NFILZ: variants seen among roughly 807,000 people sequenced by gnomAD.
The protein encoded by NFILZ is NFIL3 like basic leucine zipper.
intron 3 of NFILZ, among the ~76,000 whole-genome samples, chr19:8,655,460 G>T (rs1242093038): frequency 6.6e-6 from 1 of 152,176 alleles, no homozygotes; most frequent in East Asian, 1.9e-4. Flanking sequence ...CCTGCTCCCT[G>T]GGCAGACACC....
chr19:8,632,965 C>T (rs138195270), intron 2 of NFILZ, among the ~76,000 whole-genome samples: 3,338 of 151,196 alleles, frequency 0.022, 122 homozygotes, highest in African/African-American at 0.077. Flanking sequence ...TCAGGTGATC[C>T]GCCTGCCTCA....
intron 3 of NFILZ, among the ~76,000 whole-genome samples, chr19:8,666,710 C>T (rs2043063729): frequency 6.6e-6 from 1 of 151,732 alleles, no homozygotes; most frequent in Non-Finnish European, 1.5e-5. Flanking sequence ...AGAGGGTTGG[C>T]CATTTATCTT....
rs1280171158 is a variant in NFILZ, at chr19:8,638,553, A to G, written c.-164+2807A>G. On this transcript the variant is annotated intron_variant, in intron 3 of 5. Coordinates refer to ENST00000691075, the MANE Select transcript of NFILZ (RefSeq NM_001378600.1). ...GAACACCTCCTGCGTGCCAGGCTCC[A>G]TTCCAAGCACTGGGGGTTGCAGCGG... 1.3e-5 allele frequency: 2 copies of G among 152,254 alleles called. 1 individual carries two copies. The highest frequency in any genetic ancestry group is 4.1e-4 in the South Asian group (2 of 4,838). The allele number at this position is 152,254 out of a possible 1,614,324, so 9.4% of individuals were successfully genotyped here.
At chr19:8,650,566 A>G (rs2146146819) in intron 3 of NFILZ, among the ~76,000 whole-genome samples, 1 of 151,970 alleles carries the variant, frequency 6.6e-6, no homozygotes, top group South Asian at 2.1e-4. Context: ...AGGCAGGATA[A>G]TTGCTTGAAC....
rs1555750981 is a variant in NFILZ, at chr19:8,678,128, TCC to T, written c.*494_*495del. On this transcript the variant is annotated 3_prime_UTR_variant, in exon 6 of 6. Coordinates refer to ENST00000691075, the MANE Select transcript of NFILZ (RefSeq NM_001378600.1). ...ATCCATCCATCCATCCATCCATCCCTCCATCCATTCATCCACTTGTCCGTCCA... is the reference window on the plus strand; with the variant it reads ...ATCCATCCATCCATCCATCCATCCCTATCCATTCATCCACTTGTCCGTCCA... Among the ~76,000 whole-genome samples, 30 of 147,038 alleles carry T rather than the reference TCC, an allele frequency of 2.0e-4. 6 individuals are homozygous for T. The highest frequency in any genetic ancestry group is 2.0e-4 in the African/African-American group (8 of 39,490).
intron 3 of NFILZ, among the ~76,000 whole-genome samples, chr19:8,663,736 G>GTATGTGTA (rs782229587): frequency 7.3e-5 from 10 of 136,144 alleles, no homozygotes; most frequent in African/African-American, 2.2e-4. Flanking sequence ...GTGTGTGTGT[G>GTATGTGTA]TGTGTGTGTG....
chr19:8,673,413 C>G (rs1328142822), intron 3 of NFILZ, among the ~76,000 whole-genome samples: 1 of 152,156 alleles, frequency 6.6e-6, no homozygotes, highest in Non-Finnish European at 1.5e-5. Context: ...CAGGGCGTCC[C>G]GTCTGGCACC....
rs1327247581 is a variant in NFILZ, at chr19:8,632,582, A to C, written c.-304A>C. 2 of 152,180 alleles carry C rather than the reference A, an allele frequency of 1.3e-5. No individual in the cohort carries two copies. Among genetic ancestry groups the C allele is most frequent in the African/African-American group, 4.8e-5 (2 of 41,438 alleles). 9.4% of individuals were successfully genotyped at this position (152,180 alleles called of 1,614,324 possible). ...AGCCCCCTGACGGTTTACAGATGCC[A>C]TGGCAACATCAGGAAGTTACCCTCT... On this transcript the variant is annotated 5_prime_UTR_variant, in exon 2 of 6. An upstream start codon of the reference 5' UTR is lost. Transcript: ENST00000691075.
intron 2 of NFILZ, among the ~76,000 whole-genome samples, chr19:8,633,061 C>T (rs1331219806): frequency 7.0e-6 from 1 of 143,252 alleles, no homozygotes; most frequent in East Asian, 2.0e-4. Flanking sequence ...TGCTCTGTCA[C>T]TCAGGCTGGA....
rs2043136476 is a variant in NFILZ, at chr19:8,679,663, T to A, written c.*2028T>A. Among the ~76,000 whole-genome samples, 1 of 152,138 alleles carries A rather than the reference T, an allele frequency of 6.6e-6. No individual in the cohort carries two copies. The highest frequency in any genetic ancestry group is 2.4e-5 in the African/African-American group (1 of 41,440). ...CACAGGTAGGACCTCCTCTACTTGC[T>A]CAGCCTTTGGTTCTGGTCCAGGGCA... On this transcript the variant is annotated 3_prime_UTR_variant, in exon 6 of 6. Coordinates refer to ENST00000691075, the MANE Select transcript of NFILZ (RefSeq NM_001378600.1).
Position 8,663,754 on chromosome 19 carries a change from G to GTGTGTGTATGTGTGTGTA in NFILZ, c.-163-10790_-163-10789insATGTGTGTGTATGTGTGT, listed in dbSNP as rs1555674963. Among the ~76,000 whole-genome samples, 4 of 117,564 alleles carry GTGTGTGTATGTGTGTGTA rather than the reference G, an allele frequency of 3.4e-5. No individual in the cohort carries two copies. In the East Asian group the frequency reaches 6.7e-4, roughly 20 times the overall value. 77.1% of individuals were successfully genotyped at this position (117,564 alleles called of 152,430 possible). On this transcript the variant is annotated intron_variant, in intron 3 of 5. Transcript: ENST00000691075. Reference sequence around the variant, plus strand: ...TGTGTGTGTGTGTGTGTGTGTGTGTGTGTGTGTGTGTGTGTGTATGTATGT... The same window carrying GTGTGTGTATGTGTGTGTA: ...TGTGTGTGTGTGTGTGTGTGTGTGTGTGTGTGTATGTGTGTGTATGTGTGTGTGTGTGTGTATGTATGT...
Position 8,656,480 on chromosome 19 carries a change from C to CTGAA in NFILZ, c.-163-18071_-163-18070insTGAA, listed in dbSNP as rs1255176048. On this transcript the variant is annotated intron_variant, in intron 3 of 5. Coordinates refer to ENST00000691075, the MANE Select transcript of NFILZ (RefSeq NM_001378600.1). Reference sequence around the variant, plus strand: ...CTTCTCTCTGAAGCCCACCTTCTCCCGCAGCCCACCTTCTCCCGCAGCCCA... The same window carrying CTGAA: ...CTTCTCTCTGAAGCCCACCTTCTCCCTGAAGCAGCCCACCTTCTCCCGCAGCCCA... 2.5e-3 allele frequency among the ~76,000 whole-genome samples: 108 copies of CTGAA among 43,962 alleles called. 25 individuals carry two copies. In the East Asian group the frequency reaches 0.032, roughly 13 times the overall value. 28.8% of individuals were successfully genotyped at this position (43,962 alleles called of 152,430 possible). A position where few individuals can be genotyped will look rare whatever the true frequency, so the allele number is the denominator to read the frequency against.
At chr19:8,654,623 A>G (rs2042984074) in intron 3 of NFILZ, among the ~76,000 whole-genome samples, 1 of 152,196 alleles carries the variant, frequency 6.6e-6, no homozygotes, top group Non-Finnish European at 1.5e-5. Context: ...GCCTCAAAAA[A>G]TATTTATTAA....
At chr19:8,643,061 C>T (rs114529327) in intron 3 of NFILZ, among the ~76,000 whole-genome samples, 9 of 151,958 alleles carry the variant, frequency 5.9e-5, no homozygotes, top group African/African-American at 1.7e-4. Flanking sequence ...GCTCTCCCCC[C>T]ACCTCAGCCT....
At chr19:8,647,089 A>T (rs1253652342) in intron 3 of NFILZ, among the ~76,000 whole-genome samples, 2 of 152,180 alleles carry the variant, frequency 1.3e-5, no homozygotes, top group Non-Finnish European at 2.9e-5. Flanking sequence ...GGAGGCTATT[A>T]TGTGGAACGT....
chr19:8,654,505 C>T (rs1230157174), intron 3 of NFILZ, among the ~76,000 whole-genome samples: 4 of 151,498 alleles, frequency 2.6e-5, no homozygotes, highest in African/African-American at 9.7e-5. Context: ...ATCCCAGCTA[C>T]TAGGGAGGCT....
chr19:8,671,970 G>A (rs1034238730), intron 3 of NFILZ, among the ~76,000 whole-genome samples: 1 of 152,202 alleles, frequency 6.6e-6, no homozygotes, highest in Non-Finnish European at 1.5e-5. Flanking sequence ...CCTTTGTGGG[G>A]AGAGAGGACC....
At chr19:8,665,772 A>G (rs2043059138) in intron 3 of NFILZ, among the ~76,000 whole-genome samples, 1 of 152,238 alleles carries the variant, frequency 6.6e-6, no homozygotes, top group South Asian at 2.1e-4. Context: ...TTTCGGCAGG[A>G]AAAATTGGTA....
At chr19:8,659,500 G>C (rs1402802296) in intron 3 of NFILZ, among the ~76,000 whole-genome samples, 1 of 151,968 alleles carries the variant, frequency 6.6e-6, no homozygotes, top group Non-Finnish European at 1.5e-5. Flanking sequence ...TGGTGGGAAG[G>C]CCAGTGTGGC....
Sources: gnomAD v4.1 joint callset for allele counts (sites outside exome capture counted in the v4.1 genomes callset) on GRCh38, gnomAD v4.1.1 for gene constraint, MANE v1.5 for transcripts, NCBI Gene and HGNC (gene_info 2026-07-23, HGNC 2026-07-21) for gene names.